The following FHIT variants were observed in gnomAD, a reference collection of about 807,000 sequenced individuals.
The protein encoded by FHIT is fragile histidine triad diadenosine triphosphatase.
In FHIT, 19 loss-of-function variants were observed where a neutral mutation model predicts 17.9. The ratio of observed to expected loss-of-function variants is 1.06; its 90% CI spans 0.74 to 1.56. FHIT has a LOEUF of 1.56. Ranked by LOEUF, FHIT falls within the 40% of genes most tolerant of loss-of-function variation. FHIT has a pLI of 0.00. For missense variants in FHIT, 248 were observed against 189.2 expected (o/e 1.31, Z -1.82); for synonymous variants, 81 against 69.7 (o/e 1.16, Z -0.81).
chr3:61,187,614 T>A (rs2038561015), intron 2 of FHIT, among the ~76,000 whole-genome samples: 1 of 152,166 alleles, frequency 6.6e-6, no homozygotes, highest in East Asian at 1.9e-4. Context: ...CCATCCCAAA[T>A]CAACAGAATA....
chr3:60,998,745 T>C (rs1213544238), intron 3 of FHIT, among the ~76,000 whole-genome samples: 1 of 152,190 alleles, frequency 6.6e-6, no homozygotes, highest in Non-Finnish European at 1.5e-5. Context: ...TTATTAGGCT[T>C]ACAGACATTC....
intron 2 of FHIT, among the ~76,000 whole-genome samples, chr3:61,070,795 G>T (rs192720567): frequency 1.3e-5 from 2 of 152,114 alleles, no homozygotes; most frequent in Non-Finnish European, 2.9e-5. Context: ...CCAGTCTTAC[G>T]ATGGTGCAGC....
At chr3:60,142,444 A>G (rs1700077162) in intron 5 of FHIT, among the ~76,000 whole-genome samples, 1 of 152,172 alleles carries the variant, frequency 6.6e-6, no homozygotes, top group Non-Finnish European at 1.5e-5. Flanking sequence ...AATTTTATTT[A>G]TATATTTCTT....
intron 5 of FHIT, among the ~76,000 whole-genome samples, chr3:60,244,540 C>G (rs549315415): frequency 6.6e-6 from 1 of 152,148 alleles, no homozygotes; most frequent in East Asian, 1.9e-4. Context: ...AGCTTTTTTA[C>G]TGACTGATTT....
intron 4 of FHIT, among the ~76,000 whole-genome samples, chr3:60,601,068 T>C (rs986132140): frequency 3.3e-5 from 5 of 152,132 alleles, no homozygotes; most frequent in Non-Finnish European, 7.4e-5. Context: ...CCAGAGTTTG[T>C]TGACTTCCAC....
chr3:60,979,783 G>A (rs1413273679), intron 3 of FHIT, among the ~76,000 whole-genome samples: 1 of 152,184 alleles, frequency 6.6e-6, no homozygotes, highest in Non-Finnish European at 1.5e-5. Context: ...GCATTCCGCT[G>A]TTCTCTCTCC....
At chr3:60,392,574 A>G (rs529819768) in intron 5 of FHIT, among the ~76,000 whole-genome samples, 1 of 152,220 alleles carries the variant, frequency 6.6e-6, no homozygotes, top group Non-Finnish European at 1.5e-5. Flanking sequence ...TGAAAAACTA[A>G]AGCTGAACAT....
At chr3:59,790,910 C>T (rs1559608673) in intron 8 of FHIT, among the ~76,000 whole-genome samples, 1 of 151,994 alleles carries the variant, frequency 6.6e-6, no homozygotes, top group Non-Finnish European at 1.5e-5. Context: ...CCTATTGGAG[C>T]ATTAGTAAAG....
At chr3:59,832,887 T>C (rs759457100) in intron 8 of FHIT, among the ~76,000 whole-genome samples, 4 of 152,182 alleles carry the variant, frequency 2.6e-5, no homozygotes, top group Admixed American at 6.5e-5. Flanking sequence ...GTTGTAAAAG[T>C]AAGAGCTCCG....
At chr3:59,787,518 A>ACC (rs1699361649) in intron 8 of FHIT, among the ~76,000 whole-genome samples, 1 of 120,664 alleles carries the variant, frequency 8.3e-6, no homozygotes, top group Non-Finnish European at 1.9e-5. Context: ...ACACACACAC[A>ACC]CACACACACA....
chr3:59,901,288 T>C (rs1243582163), intron 8 of FHIT, among the ~76,000 whole-genome samples: 1 of 152,228 alleles, frequency 6.6e-6, no homozygotes, highest in East Asian at 1.9e-4. Flanking sequence ...CCTTCCTACC[T>C]GTGGGACCTT....
chr3:60,940,104 C>G (rs1708345221), intron 3 of FHIT, among the ~76,000 whole-genome samples: 1 of 152,114 alleles, frequency 6.6e-6, no homozygotes, highest in Non-Finnish European at 1.5e-5. Context: ...ACTGCTATTA[C>G]TTAAAGAGCC....
At chr3:60,058,811 C>T (rs1184158415) in intron 5 of FHIT, among the ~76,000 whole-genome samples, 2 of 152,110 alleles carry the variant, frequency 1.3e-5, no homozygotes, top group Admixed American at 1.3e-4. Context: ...TTGTAAAAAT[C>T]CCCTCACAAT....
intron 5 of FHIT, among the ~76,000 whole-genome samples, chr3:60,312,797 T>A (rs984058455): frequency 2.0e-5 from 3 of 152,166 alleles, no homozygotes; most frequent in Non-Finnish European, 4.4e-5. Flanking sequence ...CACACAATTT[T>A]TTTGCTAACA....
At chr3:59,791,764 G>A (rs1006389333) in intron 8 of FHIT, among the ~76,000 whole-genome samples, 13 of 152,156 alleles carry the variant, frequency 8.5e-5, no homozygotes, top group Admixed American at 2.0e-4. Context: ...ACAAGGCCAG[G>A]TATTTTGGGG....
intron 5 of FHIT, among the ~76,000 whole-genome samples, chr3:60,301,577 C>A (rs946542279): frequency 3.3e-5 from 5 of 152,150 alleles, no homozygotes; most frequent in Admixed American, 2.6e-4. Context: ...TTCTCCTACC[C>A]TTCTCCAGTT....
chr3:60,912,480 T>C (rs1553766144), intron 3 of FHIT, among the ~76,000 whole-genome samples: 1 of 152,164 alleles, frequency 6.6e-6, no homozygotes, highest in African/African-American at 2.4e-5. Flanking sequence ...TGGCAGAATA[T>C]GCCACCCCAA....
chr3:60,532,208 T>C (rs2035812126), intron 5 of FHIT, among the ~76,000 whole-genome samples: 1 of 152,214 alleles, frequency 6.6e-6, no homozygotes, highest in Non-Finnish European at 1.5e-5. Context: ...CATCCACAAA[T>C]GTTGCTGTGT....
At chr3:60,418,238 T>A (rs1473027244) in intron 5 of FHIT, among the ~76,000 whole-genome samples, 2 of 151,740 alleles carry the variant, frequency 1.3e-5, no homozygotes, top group African/African-American at 4.8e-5. Flanking sequence ...TCAAAAAGGC[T>A]TCAGAGAAGC....
Sources: allele counts gnomAD v4.1 joint callset (sites outside exome capture counted in the v4.1 genomes callset), GRCh38; gene constraint gnomAD v4.1.1; transcripts MANE v1.5; gene names NCBI Gene and HGNC (gene_info 2026-07-23, HGNC 2026-07-21).